SNX7: variants seen among roughly 807,000 people sequenced by gnomAD.
SNX7 encodes sorting nexin-7.
Under a neutral mutation model 48.4 loss-of-function variants are expected in SNX7, and 35 were observed. The ratio of observed to expected loss-of-function variants is 0.72; its 90% CI spans 0.55 to 0.96. The LOEUF is 0.96. Ranked by LOEUF, SNX7 falls within the 40% of genes least tolerant of loss-of-function variation. The pLI, the probability that SNX7 is intolerant of heterozygous loss-of-function variation, is 0.00. For synonymous variants in SNX7, 190 were observed against 190.2 expected, an observed-to-expected ratio of 1.00 and a Z score of 0.01; for missense variants, 553 against 548.9, an observed-to-expected ratio of 1.01 and a Z score of -0.07.
intron 7 of SNX7, among the ~76,000 whole-genome samples, chr1:98,735,731 A>G (rs1443110232): frequency 6.6e-6 from 1 of 152,126 alleles, no homozygotes; most frequent in Non-Finnish European, 1.5e-5. Flanking sequence ...TTTTATAAGA[A>G]TCCCTATGAA....
intron 8 of SNX7, among the ~76,000 whole-genome samples, chr1:98,738,816 T>C (rs766895459): frequency 4.4e-4 from 67 of 152,310 alleles, no homozygotes; most frequent in Non-Finnish European, 6.9e-4. Flanking sequence ...AACAACATCT[T>C]TTTTTAAGTT....
rs771029632 is a variant in SNX7 at position 98,738,302 on chromosome 1, T to C, written c.1191T>C (p.Asp397=). ...GTGCTAATAATGCCCTGAAAGCAGA[T>C]TGGGAGAGATGGAAACAAAATATGC... ...VECANNALKA[D]WERWKQNMQN... Residue 397 remains aspartate, a synonymous_variant, in exon 8 of 9, where the codon GAT becomes GAC. Coordinates refer to ENST00000306121, the MANE Select transcript of SNX7 (RefSeq NM_015976.5). The C allele has an allele frequency of 2.4e-5, 39 of 1,613,414 alleles. 2 individuals are homozygous for C. The South Asian group carries it at 3.4e-4, about 14-fold the overall frequency.
Position 98,698,855 on chromosome 1 carries a change from G to A in SNX7, c.988G>A (p.Ala330Thr). Reference protein sequence around the residue: ...TEKRMSGLSEALLPVVHEYVL... With the variant: ...TEKRMSGLSETLLPVVHEYVL... ...AAAGCGGATGTCTGGACTCTCAGAG[G>A]CCCTGCTTCCTGTTGTACATGAGTA... The change falls in exon 6 of 9, where the codon GCC becomes ACC. Residue 330 changes from alanine (A) to threonine (T), a missense_variant. Ala to Thr is a moderately conservative substitution (Grantham distance 58). Coordinates refer to ENST00000306121, the MANE Select transcript of SNX7 (RefSeq NM_015976.5). 1 of 1,613,756 alleles carries A rather than the reference G, an allele frequency of 6.2e-7. No individual in the cohort carries two copies. The highest frequency in any genetic ancestry group is 1.1e-5 in the South Asian group (1 of 91,070).
rs144302745 is a variant in SNX7 at position 98,666,984 on chromosome 1, T to C, written c.180+5073T>C. Among the ~76,000 whole-genome samples, 894 of 152,332 alleles carry C rather than the reference T, an allele frequency of 5.9e-3. 5 individuals are homozygous for C. The highest frequency in any genetic ancestry group is 9.7e-3 in the Non-Finnish European group (657 of 68,022). Reference sequence around the variant, plus strand: ...AGGCTTTCATGTGAAGATGTCTGTATGATTTCAGCCTCCAGCATTCATGTG... The same window carrying C: ...AGGCTTTCATGTGAAGATGTCTGTACGATTTCAGCCTCCAGCATTCATGTG... On this transcript the variant is annotated intron_variant, in intron 1 of 8. Coordinates refer to ENST00000306121, the MANE Select transcript of SNX7 (RefSeq NM_015976.5).
intron 1 of SNX7, among the ~76,000 whole-genome samples, chr1:98,663,303 G>T (rs1186753584): frequency 2.5e-5 from 3 of 119,624 alleles, no homozygotes; most frequent in African/African-American, 1.0e-4. Context: ...GTCGGGGCTG[G>T]ACCCATCTGG....
intron 7 of SNX7, among the ~76,000 whole-genome samples, chr1:98,732,304 C>G (rs1268800644): frequency 6.6e-6 from 1 of 152,030 alleles, no homozygotes; most frequent in Admixed American, 6.6e-5. Context: ...CAGAAACAGT[C>G]TATGGCCTGT....
rs77860175 is a variant in SNX7 at position 98,715,496 on chromosome 1, G to A, written c.1125+13593G>A. Among the ~76,000 whole-genome samples the A allele has an allele frequency of 8.3e-4, 126 of 152,238 alleles. 1 individual carries two copies. The highest frequency in any genetic ancestry group is 6.8e-3 in the Middle Eastern group (2 of 294). On this transcript the variant is annotated intron_variant, in intron 7 of 8. Coordinates refer to ENST00000306121, the MANE Select transcript of SNX7 (RefSeq NM_015976.5). The stretch of plus-strand genomic sequence containing the variant: ...AATTAGTAAGTGTTTTGTGGGGAGC[G>A]TCTTTGAGACTGATGATCCCATGCC...
chr1:98,718,186 G>C (rs781587191), intron 7 of SNX7, among the ~76,000 whole-genome samples: 9 of 152,044 alleles, frequency 5.9e-5, no homozygotes, highest in Non-Finnish European at 7.4e-5. Context: ...TTTGTCCAAT[G>C]TCAAATTTTT....
chr1:98,691,172 C>G lies in SNX7; in HGVS notation c.461C>G (p.Thr154Ser). 1 of 1,605,986 alleles carries G rather than the reference C, an allele frequency of 6.2e-7. No individual in the cohort carries two copies. Among genetic ancestry groups the G allele is most frequent in the Non-Finnish European group, 8.5e-7 (1 of 1,175,644 alleles). The part of the protein sequence containing the change: ...LKGKLEEAHP[T>S]LIIPPLPEKF... The stretch of plus-strand genomic sequence containing the variant: ...GGAAAACTGGAAGAAGCACACCCCA[C>G]TCTGATTATTCCAGTAAGTTTGCAA... Residue 154 changes from threonine to serine, a missense_variant, in exon 3 of 9, where the codon ACT becomes AGT. Transcript: ENST00000306121.
intron 8 of SNX7, among the ~76,000 whole-genome samples, chr1:98,745,156 T>C (rs1488824071): frequency 1.3e-5 from 2 of 152,022 alleles, no homozygotes; most frequent in Non-Finnish European, 2.9e-5. Flanking sequence ...GTTTTGAGCC[T>C]AAGAAATGGC....
chr1:98,713,082 ACT>A (rs1424743146), intron 7 of SNX7, among the ~76,000 whole-genome samples: 1 of 133,414 alleles, frequency 7.5e-6, no homozygotes, highest in Admixed American at 8.2e-5. Flanking sequence ...CAAGAGCGAA[ACT>A]CTGTCTCAGG....
intron 2 of SNX7, among the ~76,000 whole-genome samples, chr1:98,688,922 C>T (rs951893620): frequency 1.5e-4 from 23 of 151,350 alleles, no homozygotes; most frequent in African/African-American, 4.6e-4. Context: ...TTTCTTTTTT[C>T]GAGACAGAGT....
intron 7 of SNX7, among the ~76,000 whole-genome samples, chr1:98,704,072 TA>T (rs898053946): frequency 8.8e-4 from 127 of 144,738 alleles, no homozygotes; most frequent in Middle Eastern, 7.2e-3. Context: ...CCAACTCAGT[TA>T]AAAAAAAAAA....
chr1:98,678,340 C>T (rs1025050294), intron 1 of SNX7, among the ~76,000 whole-genome samples: 1 of 152,130 alleles, frequency 6.6e-6, no homozygotes, highest in Non-Finnish European at 1.5e-5. Flanking sequence ...AGGGATTCAC[C>T]CTAATGATCC....
intron 5 of SNX7, 82 bp downstream of exon 5, chr1:98,695,798 A>G: frequency 1.0e-6 from 1 of 981,630 alleles, no homozygotes; most frequent in Non-Finnish European, 1.6e-6. Context: ...ATATAGCAAC[A>G]TTCAGTTAGA....
In SNX7 at chr1:98,695,622, G is replaced by A; in HGVS notation, c.744G>A (p.Glu248=). The change falls in exon 5 of 9, where the codon GAG becomes GAA. Residue 248 remains glutamate, a synonymous_variant. Coordinates refer to ENST00000306121, the MANE Select transcript of SNX7 (RefSeq NM_015976.5). ...TGAGAGGAGTTAAAAACCGCCCAGA[G>A]GAGTTCATGGAAATGAATAACTTTA... ...SSMRGVKNRP[E]EFMEMNNFIE... is the part of the protein sequence containing the mutation. 1 of 1,613,788 alleles carries A rather than the reference G, an allele frequency of 6.2e-7. No homozygotes were observed. Among genetic ancestry groups the A allele is most frequent in the Non-Finnish European group, 8.5e-7 (1 of 1,179,794 alleles).
chr1:98,667,273 T>C (rs1448847259), intron 1 of SNX7, among the ~76,000 whole-genome samples: 1 of 152,240 alleles, frequency 6.6e-6, no homozygotes, highest in Non-Finnish European at 1.5e-5. Flanking sequence ...AAGTAGACTA[T>C]GGAATTTAAT....
chr1:98,701,488 T>C (rs1398715969), intron 6 of SNX7, among the ~76,000 whole-genome samples: 1 of 152,166 alleles, frequency 6.6e-6, no homozygotes, highest in African/African-American at 2.4e-5. Context: ...TATTTTTTGT[T>C]TGTTTTGCTC....
chr1:98,716,731 T>G (rs1355640252), intron 7 of SNX7, among the ~76,000 whole-genome samples: 2 of 152,044 alleles, frequency 1.3e-5, no homozygotes, highest in East Asian at 3.9e-4. Context: ...TTTTTCCCAA[T>G]GGGTGGGTCT....
Sources: gnomAD v4.1 joint callset for allele counts (sites outside exome capture counted in the v4.1 genomes callset) on GRCh38, gnomAD v4.1.1 for gene constraint, MANE v1.5 for transcripts, NCBI Gene and HGNC (gene_info 2026-07-23, HGNC 2026-07-21) for gene names.